PHF2: variants seen among roughly 807,000 people sequenced by gnomAD.
PHF2 encodes the protein PHD finger protein 2, also known as lysine-specific demethylase PHF2.
PHF2 carries 27 observed loss-of-function variants against 120.5 expected under a neutral mutation model. The observed-to-expected ratio is 0.22, with a 90% CI of 0.17 to 0.31. The LOEUF is 0.31. PHF2 is among the 10% of genes least tolerant of loss of function. PHF2 has a pLI of 1.00. For missense variants in PHF2, 1,024 were observed against 1,434.8 expected, an observed-to-expected ratio of 0.71 and a Z score of 4.63; for synonymous variants, 568 against 592.5, an observed-to-expected ratio of 0.96 and a Z score of 0.60.
At chr9:93,591,571 C>G (rs1195450481) in intron 1 of PHF2, among the ~76,000 whole-genome samples, 1 of 152,174 alleles carries the variant, frequency 6.6e-6, no homozygotes, top group Non-Finnish European at 1.5e-5. Context: ...CCTGCTTCCT[C>G]CCTTGACCTA....
At chr9:93,581,258 G>A (rs1172539083) in intron 1 of PHF2, among the ~76,000 whole-genome samples, 1 of 152,208 alleles carries the variant, frequency 6.6e-6, no homozygotes, top group Non-Finnish European at 1.5e-5. Context: ...GGGCTACCTG[G>A]GAACACCAGG....
rs745947229 is a variant in PHF2, at chr9:93,665,847, C to G, written c.2099C>G (p.Pro700Arg). ...EFPIRRKKNA[P>R]KRDLSFLLDK... ...CCCATCAGGAGGAAGAAAAACGCCC[C>G]GAAAAGGGACTTGTCCTGTGAGTTG... is the stretch of plus-strand genomic sequence containing the variant. Residue 700 changes from proline (P) to arginine (R), a missense_variant, in exon 15 of 22, where the codon CCG (proline) becomes CGG (arginine). Pro to Arg is a moderately radical substitution (Grantham distance 103). Around this residue, in one of 2 missense-constraint regions of PHF2, gnomAD observed 677 missense variants for 857.4 expected, o/e 0.79. Transcript: ENST00000359246. The G allele has an allele frequency of 1.9e-6, 3 of 1,613,198 alleles. No individual in the cohort carries two copies. Among genetic ancestry groups the G allele is most frequent in the African/African-American group, 2.7e-5 (2 of 74,854 alleles).
At position 93,624,128 on chromosome 9, in the gene PHF2, G is replaced by T. The variant is rs77774853; in HGVS notation, c.99-5842G>T. Among the ~76,000 whole-genome samples, 4 of 152,344 alleles carry T rather than the reference G, an allele frequency of 2.6e-5. No homozygotes were observed. In the South Asian group the frequency reaches 8.3e-4, roughly 32 times the overall value. ...TCATACCTACCTCAATTTCCCTATT[G>T]TGGTAAATAAGGCTAATAATAAGAA... On this transcript the variant is annotated intron_variant, in intron 1 of 21. Coordinates refer to ENST00000359246, the MANE Select transcript of PHF2 (RefSeq NM_005392.4).
intron 1 of PHF2, among the ~76,000 whole-genome samples, chr9:93,628,259 G>GAAAT (rs1825945566): frequency 6.6e-6 from 1 of 152,162 alleles, no homozygotes. Flanking sequence ...TAATGCTTAG[G>GAAAT]AAATGTTCCC....
intron 17 of PHF2, among the ~76,000 whole-genome samples, chr9:93,673,358 T>G (rs1463308830): frequency 2.6e-5 from 4 of 152,026 alleles, no homozygotes; most frequent in Non-Finnish European, 5.9e-5. Flanking sequence ...CCTCCAGCCC[T>G]CCCTGTGGCA....
chr9:93,584,258 T>C (rs929612668), intron 1 of PHF2, among the ~76,000 whole-genome samples: 3 of 152,260 alleles, frequency 2.0e-5, no homozygotes, highest in African/African-American at 7.2e-5. Context: ...CTGGTTTATC[T>C]CTTTTTTGTT....
intron 7 of PHF2, 141 bp downstream of exon 7, chr9:93,654,716 T>A: frequency 2.4e-6 from 2 of 849,636 alleles, no homozygotes; most frequent in African/African-American, 1.7e-5. Context: ...CCTGAGCATA[T>A]GAAGTGGAAA....
chr9:93,610,529 A>G (rs1825616729), intron 1 of PHF2, among the ~76,000 whole-genome samples: 1 of 152,188 alleles, frequency 6.6e-6, no homozygotes, highest in Non-Finnish European at 1.5e-5. Flanking sequence ...GCATATTAAT[A>G]ATAAATTTGT....
chr9:93,621,397 A>G lies in PHF2; in HGVS notation c.99-8573A>G, dbSNP rs148246139. Among the ~76,000 whole-genome samples the G allele has an allele frequency of 1.5e-4, 23 of 152,306 alleles. No homozygotes were observed. In the East Asian group the frequency reaches 4.4e-3, roughly 29 times the overall value. On this transcript the variant is annotated intron_variant, in intron 1 of 21. Coordinates refer to ENST00000359246, the MANE Select transcript of PHF2 (RefSeq NM_005392.4). ...TGGGGTCTCCTGCACAAAGCAGTAA[A>G]TGACTGACCAAGGCAGCTGTCCTGG... is the stretch of plus-strand genomic sequence containing the variant.
intron 2 of PHF2, among the ~76,000 whole-genome samples, chr9:93,631,413 T>G (rs1461032191): frequency 6.6e-6 from 1 of 152,190 alleles, no homozygotes; most frequent in Non-Finnish European, 1.5e-5. Context: ...AGGCTGATAG[T>G]TTGCCTGTGG....
intron 2 of PHF2, among the ~76,000 whole-genome samples, chr9:93,633,314 T>G (rs1296204621): frequency 6.6e-6 from 1 of 152,128 alleles, no homozygotes; most frequent in African/African-American, 2.4e-5. Flanking sequence ...CTGACACAGA[T>G]TTGGTACAGG....
intron 1 of PHF2, among the ~76,000 whole-genome samples, chr9:93,607,103 G>C (rs924611354): frequency 1.3e-5 from 2 of 152,124 alleles, no homozygotes; most frequent in African/African-American, 4.8e-5. Flanking sequence ...CTTGATTACT[G>C]TAGCTTCATA....
At chr9:93,604,614 G>A (rs1300342692) in intron 1 of PHF2, among the ~76,000 whole-genome samples, 1 of 151,758 alleles carries the variant, frequency 6.6e-6, no homozygotes, top group Non-Finnish European at 1.5e-5. Context: ...ACAGGCGCCC[G>A]CCACCACACC....
intron 1 of PHF2, among the ~76,000 whole-genome samples, chr9:93,626,238 C>T (rs908567286): frequency 2.6e-5 from 4 of 152,072 alleles, no homozygotes; most frequent in Non-Finnish European, 5.9e-5. Flanking sequence ...AGCAAGACTC[C>T]ATCTCAAAAA....
rs757223743 is a variant in PHF2 at position 93,663,524 on chromosome 9, A to T, written c.1826A>T (p.Lys609Ile). 1.9e-6 allele frequency: 3 copies of T among 1,610,374 alleles called. No homozygotes were observed. Among genetic ancestry groups the T allele is most frequent in the Non-Finnish European group, 2.5e-6 (3 of 1,177,438 alleles). Residue 609 changes from lysine to isoleucine, a missense_variant, in exon 14 of 22, where the codon AAA becomes ATA. By Grantham distance (102) the Lys-to-Ile change is moderately radical. Transcript: ENST00000359246. ...CCTGGTCTTGCTTTTCAGAACAGCAAACCTGACTCCTTACTGAAGATGGAA... is the reference window on the plus strand; with the variant it reads ...CCTGGTCTTGCTTTTCAGAACAGCATACCTGACTCCTTACTGAAGATGGAA... ...SEAKWKYKNS[K>I]PDSLLKMEEE...
chr9:93,648,794 C>G (rs1272194534), intron 4 of PHF2, among the ~76,000 whole-genome samples: 6 of 152,106 alleles, frequency 3.9e-5, no homozygotes, highest in Non-Finnish European at 8.8e-5. Context: ...GGCCAGGCAT[C>G]CTGTGTTTTT....
chr9:93,670,148 A>T (rs148702893), intron 17 of PHF2, among the ~76,000 whole-genome samples: 46 of 152,316 alleles, frequency 3.0e-4, no homozygotes, highest in African/African-American at 1.1e-3. Flanking sequence ...AGTGATGCTG[A>T]TGCAAGAGTC....
At chr9:93,583,533 C>A (rs140636619) in intron 1 of PHF2, among the ~76,000 whole-genome samples, 2 of 151,854 alleles carry the variant, frequency 1.3e-5, no homozygotes, top group Non-Finnish European at 2.9e-5. Flanking sequence ...TCCTCAGCAA[C>A]GTTCCAATTT....
intron 1 of PHF2, among the ~76,000 whole-genome samples, chr9:93,589,365 G>A (rs903797017): frequency 6.6e-6 from 1 of 152,202 alleles, no homozygotes; most frequent in Non-Finnish European, 1.5e-5. Context: ...CTGGGCTGGA[G>A]AATTCTTTGT....
Sources: gnomAD v4.1 joint callset for allele counts (sites outside exome capture counted in the v4.1 genomes callset) on GRCh38, gnomAD v4.1.1 for gene constraint, gnomAD v4.1.1 regional missense constraint, MANE v1.5 for transcripts, NCBI Gene and HGNC (gene_info 2026-07-23, HGNC 2026-07-21) for gene names.